MYOM2: variants seen among roughly 807,000 people sequenced by gnomAD.
MYOM2 encodes myomesin 2.
A neutral mutation model predicts 187.6 loss-of-function variants in MYOM2; 254 were observed. That is an observed-to-expected ratio of 1.35 (90% confidence interval 1.22 to 1.50). MYOM2 has a LOEUF of 1.50. MYOM2 is among the 40% of genes most tolerant of loss of function. MYOM2 has a pLI of 0.00. For synonymous variants in MYOM2, 981 were observed against 753.8 expected, an observed-to-expected ratio of 1.30 and a Z score of -4.94; for missense variants, 2,796 against 1,924.0, an observed-to-expected ratio of 1.45 and a Z score of -8.48.
chr8:2,116,025 T>G lies in MYOM2; in HGVS notation c.3246T>G (p.Ile1082Met). ...AGATGGTGATGGATCGATTTAGTAT[T>G]GAAAATGAGGGGACCTACACTGTGC... ...IIEMVMDRFS[I>M]ENEGTYTVQI... is the part of the protein sequence containing the mutation. Residue 1082 changes from isoleucine to methionine, a missense_variant, in exon 26 of 37, where the codon ATT (isoleucine) becomes ATG (methionine). Transcript: ENST00000262113. 6.2e-7 allele frequency: 1 copy of G among 1,613,898 alleles called. No individual in the cohort carries two copies.
At chr8:2,115,376 A>G (rs543035051) in intron 25 of MYOM2, among the ~76,000 whole-genome samples, 67 of 152,342 alleles carry the variant, frequency 4.4e-4, no homozygotes, top group African/African-American at 1.6e-3. Flanking sequence ...GAACACATTC[A>G]TATGTATCTG....
At chr8:2,053,036 C>T (rs1352535332) in intron 3 of MYOM2, among the ~76,000 whole-genome samples, 3 of 152,168 alleles carry the variant, frequency 2.0e-5, no homozygotes, top group African/African-American at 4.8e-5. Flanking sequence ...AACAGTTAAA[C>T]GTTCGCGGGT....
chr8:2,069,307 C>T lies in MYOM2; in HGVS notation c.683C>T (p.Ser228Leu), dbSNP rs760337618. ...GACTTTGACGACACTGCGACATACTCAGCAGTGGCCACCAATGCCCACGGA... is the reference window on the plus strand; with the variant it reads ...GACTTTGACGACACTGCGACATACTTAGCAGTGGCCACCAATGCCCACGGA... Reference protein sequence around the residue: ...RADFDDTATYSAVATNAHGQV... With the variant: ...RADFDDTATYLAVATNAHGQV... Residue 228 changes from serine (S) to leucine (L), a missense_variant, in exon 7 of 37, where the codon TCA (serine) becomes TTA (leucine). By Grantham distance (145) the Ser-to-Leu change is moderately radical. Coordinates refer to ENST00000262113, the MANE Select transcript of MYOM2 (RefSeq NM_003970.4). 9.9e-6 allele frequency: 16 copies of T among 1,613,622 alleles called. No individual in the cohort carries two copies. The South Asian group carries it at 1.8e-4, about 18-fold the overall frequency.
chr8:2,121,252 G>A (rs1005670481), intron 28 of MYOM2, among the ~76,000 whole-genome samples: 17 of 152,136 alleles, frequency 1.1e-4, no homozygotes, highest in Admixed American at 5.2e-4. Context: ...GCAAGTCAGT[G>A]TGACTTGGTT....
intron 5 of MYOM2, 143 bp downstream of exon 5, chr8:2,057,923 G>C: frequency 1.8e-5 from 14 of 764,184 alleles, no homozygotes; most frequent in Non-Finnish European, 2.5e-5. Context: ...GTTTATAGAA[G>C]CTCTGAACGT....
chr8:2,110,936 C>G (rs143928854), intron 25 of MYOM2, among the ~76,000 whole-genome samples: 9 of 152,190 alleles, frequency 5.9e-5, no homozygotes, highest in Non-Finnish European at 1.0e-4. Flanking sequence ...GTGGGAGAGT[C>G]GGCTAGAAAG....
chr8:2,139,526 G>A (rs1412542335), intron 32 of MYOM2, among the ~76,000 whole-genome samples: 1 of 152,192 alleles, frequency 6.6e-6, no homozygotes, highest in Non-Finnish European at 1.5e-5. Context: ...GAGGAGGGCT[G>A]GAGAATTCCC....
intron 14 of MYOM2, among the ~76,000 whole-genome samples, chr8:2,088,993 C>G (rs1796193298): frequency 6.6e-6 from 1 of 152,020 alleles, no homozygotes; most frequent in Non-Finnish European, 1.5e-5. Context: ...CCCATGACGC[C>G]CTGGGGGCTC....
intron 32 of MYOM2, among the ~76,000 whole-genome samples, chr8:2,131,543 A>T (rs1797867690): frequency 6.6e-6 from 1 of 151,914 alleles, no homozygotes; most frequent in South Asian, 2.1e-4. Flanking sequence ...AAAGAGAAGG[A>T]GGTGTTATTG....
Position 2,096,124 on chromosome 8 carries a change from C to T in MYOM2, c.2126-123C>T, listed in dbSNP as rs147631474. 170 of 851,580 alleles carry T rather than the reference C, an allele frequency of 2.0e-4. 1 individual carries two copies. In the East Asian group the frequency reaches 3.6e-3, roughly 18 times the overall value. The allele number at this position is 851,580 out of a possible 1,614,324, so 52.8% of individuals were successfully genotyped here. On this transcript the variant is annotated intron_variant, in intron 17 of 36. Coordinates refer to ENST00000262113, the MANE Select transcript of MYOM2 (RefSeq NM_003970.4). The stretch of plus-strand genomic sequence containing the variant: ...GTGTGGGTTGAGAGGGATCAGAGGG[C>T]ACAGTGTTCAGGCCCGTCTCCACGT...
chr8:2,102,922 G>C, intron 21 of MYOM2, 141 bp downstream of exon 21: 1 of 642,604 alleles, frequency 1.6e-6, no homozygotes, highest in Non-Finnish European at 2.8e-6. Flanking sequence ...GGATGGGTCT[G>C]TAGATAAATG....
chr8:2,124,475 G>A (rs1351606219), intron 31 of MYOM2, among the ~76,000 whole-genome samples: 3 of 152,204 alleles, frequency 2.0e-5, no homozygotes, highest in East Asian at 3.8e-4. Context: ...CTTCCATCCT[G>A]TCTTAGGTTA....
chr8:2,079,513 G>C (rs761233381), intron 12 of MYOM2, 47 bp from the exon 13 acceptor site: 10 of 1,601,142 alleles, frequency 6.2e-6, no homozygotes, highest in Non-Finnish European at 8.6e-6. Context: ...CGGGCTTTTG[G>C]GGAAAACTTC....
At chr8:2,059,347 T>C in intron 6 of MYOM2, 102 bp downstream of exon 6, 1 of 940,024 alleles carries the variant, frequency 1.1e-6, no homozygotes, top group South Asian at 1.5e-5. Flanking sequence ...ATCACACCTG[T>C]CTGTTTGCAC....
At chr8:2,111,790 G>C (rs1382930422) in intron 25 of MYOM2, among the ~76,000 whole-genome samples, 3 of 152,192 alleles carry the variant, frequency 2.0e-5, no homozygotes, top group African/African-American at 4.8e-5. Context: ...CTGAGGTCAT[G>C]CCTTCTCATT....
rs765885771 is a variant in MYOM2, at chr8:2,101,005, G to T, written c.2570G>T (p.Gly857Val). ...YFVDFREEDAGEWITVNQTTT... is the reference protein window; with the variant it reads ...YFVDFREEDAVEWITVNQTTT... ...GTGGACTTCAGGGAGGAGGATGCTG[G>T]AGAGTGGATCACTGTCAATCAGACG... The change falls in exon 20 of 37, where the codon GGA becomes GTA. Residue 857 changes from glycine (G) to valine (V), a missense_variant. Coordinates refer to ENST00000262113, the MANE Select transcript of MYOM2 (RefSeq NM_003970.4). 2.1e-5 allele frequency: 34 copies of T among 1,614,058 alleles called. No homozygotes were observed. The highest frequency in any genetic ancestry group is 1.6e-4 in the Middle Eastern group (1 of 6,080).
chr8:2,085,436 C>T (rs771032501), intron 14 of MYOM2, 46 bp downstream of exon 14: 63 of 1,596,408 alleles, frequency 3.9e-5, no homozygotes, highest in Admixed American at 2.4e-4. Context: ...TCTGCATGGC[C>T]CCCCACTGTC....
chr8:2,102,615 A>G (rs1203830031), intron 20 of MYOM2, 52 bp from the exon 21 acceptor site: 48 of 1,298,524 alleles, frequency 3.7e-5, no homozygotes, highest in Non-Finnish European at 5.2e-5. Flanking sequence ...AAAACTCCAC[A>G]GTCATCTTTA....
chr8:2,121,806 C>G (rs1203373357), intron 28 of MYOM2, among the ~76,000 whole-genome samples: 1 of 152,216 alleles, frequency 6.6e-6, no homozygotes, highest in East Asian at 1.9e-4. Flanking sequence ...TTAGCGCTGA[C>G]TCTTAGGAAG....
Sources: gnomAD v4.1 joint callset for allele counts (sites outside exome capture counted in the v4.1 genomes callset) on GRCh38, gnomAD v4.1.1 for gene constraint, MANE v1.5 for transcripts, NCBI Gene and HGNC (gene_info 2026-07-23, HGNC 2026-07-21) for gene names.